Variants in TET3 observed in about 807,000 individuals in gnomAD.
TET3 encodes the protein tet methylcytosine dioxygenase 3.
TET3 carries 19 observed loss-of-function variants against 141.4 expected under a neutral mutation model. The observed-to-expected ratio is 0.13, with a 90% confidence interval of 0.09 to 0.20. TET3 has a LOEUF of 0.20. Ranked by LOEUF, TET3 falls within the 10% of genes least tolerant of loss-of-function variation. The pLI is 1.00. For missense variants in TET3, 1,874 were observed against 2,356.9 expected, an observed-to-expected ratio of 0.80 and a Z score of 4.24; for synonymous variants, 1,043 against 980.9, an observed-to-expected ratio of 1.06 and a Z score of -1.18.
chr2:74,014,328 A>G (rs553441592), intron 3 of TET3, among the ~76,000 whole-genome samples: 2 of 151,952 alleles, frequency 1.3e-5, no homozygotes, highest in East Asian at 1.9e-4. Flanking sequence ...TTATGTCTGG[A>G]GTTCTTGGAG....
intron 10 of TET3, among the ~76,000 whole-genome samples, chr2:74,096,919 C>G (rs1690868999): frequency 6.6e-6 from 1 of 151,638 alleles, no homozygotes. Flanking sequence ...CGGCAAAACC[C>G]TATCTCTACA....
the TET3 span, among the ~76,000 whole-genome samples, chr2:74,124,787 C>T: frequency 5.3e-5 from 8 of 150,872 alleles, no homozygotes; most frequent in Non-Finnish European, 1.2e-4. Context: ...ACAAACACTG[C>T]GGAAGGCCGC....
intron 4 of TET3, among the ~76,000 whole-genome samples, chr2:74,068,125 A>G (rs565273135): frequency 1.3e-5 from 2 of 152,174 alleles, no homozygotes; most frequent in African/African-American, 4.8e-5. Flanking sequence ...GTGGCAAGCT[A>G]CTTTGATCAG....
intron 3 of TET3, among the ~76,000 whole-genome samples, chr2:74,022,816 G>A (rs181924525): frequency 1.7e-4 from 26 of 152,020 alleles, no homozygotes; most frequent in African/African-American, 2.4e-4. Context: ...TTGCTCTGTC[G>A]CCTAGGCTGG....
chr2:74,059,436 G>A (rs940542596), intron 4 of TET3, among the ~76,000 whole-genome samples: 1 of 151,646 alleles, frequency 6.6e-6, no homozygotes, highest in Admixed American at 6.6e-5. Context: ...TATTTTTTTA[G>A]TAGAGACAGG....
chr2:74,039,374 C>T (rs1347803674), intron 3 of TET3, among the ~76,000 whole-genome samples: 1 of 152,156 alleles, frequency 6.6e-6, no homozygotes, highest in African/African-American at 2.4e-5. Context: ...CCCACCTGCC[C>T]AGATAGCTGT....
intron 3 of TET3, among the ~76,000 whole-genome samples, chr2:74,017,037 G>C (rs1224669421): frequency 6.6e-6 from 1 of 152,046 alleles, no homozygotes; most frequent in Non-Finnish European, 1.5e-5. Flanking sequence ...TATAATCTCA[G>C]CTACTTGGGA....
chr2:74,051,855 A>C (rs1394259210), intron 4 of TET3, among the ~76,000 whole-genome samples: 1 of 152,266 alleles, frequency 6.6e-6, no homozygotes, highest in Non-Finnish European at 1.5e-5. Flanking sequence ...TGTGATTGAA[A>C]TTGGTCAGTT....
chr2:74,126,942 C>T, the TET3 span, among the ~76,000 whole-genome samples: 2 of 152,160 alleles, frequency 1.3e-5, no homozygotes, highest in Non-Finnish European at 2.9e-5. Flanking sequence ...AAAATTGGCA[C>T]TGAAGCCAGA....
At chr2:74,032,877 G>A (rs562738622) in intron 3 of TET3, among the ~76,000 whole-genome samples, 10 of 152,300 alleles carry the variant, frequency 6.6e-5, no homozygotes, top group South Asian at 4.1e-4. Context: ...GTTCTGGTCC[G>A]AGAACAGCAA....
Position 74,100,599 on chromosome 2 carries a change from T to G in TET3, c.3811T>G (p.Ser1271Ala), listed in dbSNP as rs1009804931. 6.2e-7 allele frequency: 1 copy of G among 1,613,902 alleles called. No homozygotes were observed. The highest frequency in any genetic ancestry group is 8.5e-7 in the Non-Finnish European group (1 of 1,179,842). ...HSYYAQPSLTSVNGFHSKYAL... is the reference protein window; with the variant it reads ...HSYYAQPSLTAVNGFHSKYAL... ...CTACTATGCACAGCCCAGCCTGACC[T>G]CCGTCAATGGCTTCCACTCCAAGTA... The change falls in exon 12 of 12, where the codon TCC becomes GCC. Residue 1271 changes from serine to alanine, a missense_variant. This residue lies in a region of TET3 where 602 missense variants were observed against 590.2 expected (regional missense o/e 1.02). Transcript: ENST00000409262.
chr2:74,069,329 A>G (rs116806472), intron 4 of TET3, among the ~76,000 whole-genome samples: 43 of 148,024 alleles, frequency 2.9e-4, no homozygotes, highest in African/African-American at 1.0e-3. Flanking sequence ...TGGCTAGATC[A>G]TACAGTTTTT....
intron 3 of TET3, among the ~76,000 whole-genome samples, chr2:74,045,396 T>C (rs1370404180): frequency 6.6e-6 from 1 of 152,270 alleles, no homozygotes; most frequent in East Asian, 1.9e-4. Flanking sequence ...CTGTGTTTTC[T>C]CTTAGCATTC....
In TET3 at chr2:74,106,918, C is replaced by T. The variant is rs1054458909; in HGVS notation, c.*4742C>T. 2 of 152,182 alleles carry T rather than the reference C, an allele frequency of 1.3e-5. No individual in the cohort carries two copies. Among genetic ancestry groups the T allele is most frequent in the East Asian group, 1.9e-4 (1 of 5,198 alleles). 9.4% of individuals were successfully genotyped at this position (152,182 alleles called of 1,614,324 possible). A position where few individuals can be genotyped will look rare whatever the true frequency, so the allele number is the denominator to read the frequency against. ...ATAGCGGAACGCCGAAAGGAAGGAG[C>T]GTAGTTGGCTGTATTTCATGTTTAA... On this transcript the variant is annotated 3_prime_UTR_variant, in exon 12 of 12. Coordinates refer to ENST00000409262, the MANE Select transcript of TET3 (RefSeq NM_001287491.2).
intron 3 of TET3, among the ~76,000 whole-genome samples, chr2:74,011,630 C>T (rs1685440528): frequency 6.6e-6 from 1 of 152,250 alleles, no homozygotes; most frequent in South Asian, 2.1e-4. Flanking sequence ...TCTACCTGGG[C>T]CTTAGGTGTC....
chr2:74,017,988 A>G (rs1359970439), intron 3 of TET3, among the ~76,000 whole-genome samples: 9 of 111,492 alleles, frequency 8.1e-5, no homozygotes, highest in African/African-American at 2.6e-4. Context: ...TTTTTTTGAG[A>G]CGGAGTTTTG....
chr2:73,996,913 G>C (rs1300758389), intron 2 of TET3, among the ~76,000 whole-genome samples: 1 of 152,248 alleles, frequency 6.6e-6, no homozygotes, highest in Non-Finnish European at 1.5e-5. Context: ...AGGTATGGGG[G>C]TTTGTTGCCT....
At chr2:74,053,362 G>C (rs986039080) in intron 4 of TET3, among the ~76,000 whole-genome samples, 1 of 152,178 alleles carries the variant, frequency 6.6e-6, no homozygotes, top group African/African-American at 2.4e-5. Flanking sequence ...ATTCCCAAGA[G>C]GAGCCAGTTT....
rs768736743 is a variant in TET3 at position 74,103,455 on chromosome 2, G to A, written c.*1279G>A. ...CTTCCTCCATGCTGTCATTGGGTTC[G>A]GGGGCCTACACTTAACAATTTTAAA... is the stretch of plus-strand genomic sequence containing the variant. On this transcript the variant is annotated 3_prime_UTR_variant, in exon 12 of 12. Transcript: ENST00000409262. The A allele has an allele frequency of 1.3e-5, 2 of 152,186 alleles. No individual in the cohort carries two copies. Among genetic ancestry groups the A allele is most frequent in the African/African-American group, 2.4e-5 (1 of 41,422 alleles). 9.4% of individuals were successfully genotyped at this position (152,186 alleles called of 1,614,324 possible).
Sources: gnomAD v4.1 joint callset for allele counts (sites outside exome capture counted in the v4.1 genomes callset) on GRCh38, gnomAD v4.1.1 for gene constraint, gnomAD v4.1.1 regional missense constraint, MANE v1.5 for transcripts, NCBI Gene and HGNC (gene_info 2026-07-23, HGNC 2026-07-21) for gene names.